ZNF160: variants seen among roughly 807,000 people sequenced by gnomAD.
ZNF160 encodes zinc finger protein 160, also known as KRAB zinc finger protein KR18.
ZNF160 carries 9 observed loss-of-function variants against 13.1 expected under a neutral mutation model. That is an observed-to-expected ratio of 0.69 (90% CI 0.41 to 1.20). ZNF160 has a LOEUF of 1.20. Among genes scored for constraint, ZNF160 ranks in the 50% most tolerant of loss-of-function variants. ZNF160 has a pLI of 0.01. For missense variants in ZNF160, 838 were observed against 988.0 expected, an observed-to-expected ratio of 0.85 and a Z score of 2.04; for synonymous variants, 293 against 333.2, an observed-to-expected ratio of 0.88 and a Z score of 1.31.
At chr19:53,083,025 T>C (rs929676696) in intron 3 of ZNF160, among the ~76,000 whole-genome samples, 1 of 152,182 alleles carries the variant, frequency 6.6e-6, no homozygotes, top group Non-Finnish European at 1.5e-5. Context: ...TGAATACATA[T>C]GAAGAGATGC....
In ZNF160 at chr19:53,081,413, CAAG is replaced by C. The variant is rs536083960; in HGVS notation, c.15+4846_15+4848del. Reference sequence around the variant, plus strand: ...TCTATAAGAAACATAAGCAAATCAACAAGAAGAAGACAAATCACCCCACTAAAA... The same window carrying C: ...TCTATAAGAAACATAAGCAAATCAACAAGAAGACAAATCACCCCACTAAAA... On this transcript the variant is annotated intron_variant, in intron 3 of 5. Coordinates refer to ENST00000683776, the MANE Select transcript of ZNF160 (RefSeq NM_001322131.2). Among the ~76,000 whole-genome samples, 66 of 152,106 alleles carry C rather than the reference CAAG, an allele frequency of 4.3e-4. No homozygotes were observed. In the East Asian group the frequency reaches 9.7e-3, roughly 22 times the overall value.
intron 3 of ZNF160, among the ~76,000 whole-genome samples, chr19:53,083,773 A>G (rs1220965173): frequency 6.6e-6 from 1 of 152,178 alleles, no homozygotes; most frequent in Non-Finnish European, 1.5e-5. Context: ...TGGGTGTGGC[A>G]GCACACAACC....
At chr19:53,073,404 TG>T (rs777717026) in intron 5 of ZNF160, 3 of 1,598,334 alleles carry the variant, frequency 1.9e-6, no homozygotes, top group Non-Finnish European at 2.5e-6. Context: ...ATGGAAGAAA[TG>T]GCCGAGGGAC....
At chr19:53,100,980 C>CAA (rs144340073) in intron 1 of ZNF160, among the ~76,000 whole-genome samples, 24,080 of 149,236 alleles carry the variant, frequency 0.16, 2,208 homozygotes, top group African/African-American at 0.24. Flanking sequence ...ACCTCCATCT[C>CAA]AAAAAAAATA....
In ZNF160 at chr19:53,070,203, C is replaced by T. The variant is rs2145453473; in HGVS notation, c.331G>A (p.Ala111Thr). ...LLPKEKSSTE[A>T]VFHTVVLERH... ...TCCAACACCACTGTGTGGAATACTG[C>T]TTCTGTACTGCTCTTCTCTTTTGGT... Residue 111 changes from alanine to threonine, a missense_variant, in exon 6 of 6, where the codon GCA becomes ACA. By Grantham distance (58) the Ala-to-Thr change is moderately conservative (BLOSUM62 0). This residue lies in a region of ZNF160 where 387 missense variants were observed against 402.3 expected (regional missense o/e 0.96). Transcript: ENST00000683776. 6.2e-7 allele frequency: 1 copy of T among 1,613,594 alleles called. No individual in the cohort carries two copies. The highest frequency in any genetic ancestry group is 2.2e-5 in the East Asian group (1 of 44,872).
intron 5 of ZNF160, among the ~76,000 whole-genome samples, chr19:53,071,450 G>A (rs993976456): frequency 6.6e-6 from 1 of 150,714 alleles, no homozygotes; most frequent in Admixed American, 6.7e-5. Context: ...AACTTGGGAA[G>A]CTGAGGAAGG....
intron 3 of ZNF160, among the ~76,000 whole-genome samples, chr19:53,080,142 T>C (rs546253467): frequency 6.6e-6 from 1 of 151,730 alleles, no homozygotes; most frequent in East Asian, 1.9e-4. Context: ...GTTTCGCTCT[T>C]GTTGCCCAGG....
intron 5 of ZNF160, chr19:53,073,347 G>C (rs1441126991): frequency 6.3e-7 from 1 of 1,597,964 alleles, no homozygotes; most frequent in African/African-American, 1.3e-5. Context: ...TTAGAAGATA[G>C]AACCCACTCG....
chr19:53,069,348 G>T lies in ZNF160; in HGVS notation c.1186C>A (p.Pro396Thr). Reference sequence around the variant, plus strand: ...TTGCCGCACTCATTGCACTTGTAAGGTTTCTCTCCAGTGTGAATTCTCCAA... The same window carrying T: ...TTGCCGCACTCATTGCACTTGTAAGTTTTCTCTCCAGTGTGAATTCTCCAA... Reference protein sequence around the residue: ...SHWRIHTGEKPYKCNECGKAF... With the variant: ...SHWRIHTGEKTYKCNECGKAF... Residue 396 changes from proline to threonine, a missense_variant, in exon 6 of 6, where the codon CCT becomes ACT. Physicochemically the swap from Pro to Thr is conservative, Grantham distance 38. Coordinates refer to ENST00000683776, the MANE Select transcript of ZNF160 (RefSeq NM_001322131.2). The surrounding 1 kb of genome is among the most constrained non-coding windows in gnomAD (Gnocchi z 4.4). 6.2e-7 allele frequency: 1 copy of T among 1,614,012 alleles called. No homozygotes were observed. Among genetic ancestry groups the T allele is most frequent in the Non-Finnish European group, 8.5e-7 (1 of 1,179,894 alleles).
At chr19:53,075,342 C>G (rs779538380) in intron 3 of ZNF160, 159 bp from the exon 4 acceptor site, 1 of 842,380 alleles carries the variant, frequency 1.2e-6, no homozygotes, top group Non-Finnish European at 1.8e-6. Context: ...GGTCTTCATC[C>G]CCCTCTCCTG....
chr19:53,075,748 A>G (rs756967545), intron 3 of ZNF160: 1 of 519,050 alleles, frequency 1.9e-6, no homozygotes, highest in Non-Finnish European at 3.8e-6. Context: ...ATGGGTAAAT[A>G]TAAGTGTTTC....
chr19:53,082,126 A>C (rs2084655563), intron 3 of ZNF160, among the ~76,000 whole-genome samples: 1 of 152,180 alleles, frequency 6.6e-6, no homozygotes, highest in Non-Finnish European at 1.5e-5. Flanking sequence ...AAGAGGAAGG[A>C]AGAGGGGAAG....
intron 5 of ZNF160, among the ~76,000 whole-genome samples, chr19:53,070,794 C>A (rs1187855502): frequency 6.6e-6 from 1 of 152,168 alleles, no homozygotes; most frequent in Non-Finnish European, 1.5e-5. Flanking sequence ...GTGGCTCATG[C>A]CTGTAATCCC....
chr19:53,091,890 C>T (rs1236146342), intron 1 of ZNF160, among the ~76,000 whole-genome samples, 170 bp from the exon 2 acceptor site: 2 of 152,210 alleles, frequency 1.3e-5, no homozygotes, highest in African/African-American at 4.8e-5. Context: ...GCGTCAACCT[C>T]GGTTCCAGAG....
intron 1 of ZNF160, among the ~76,000 whole-genome samples, chr19:53,094,303 C>T (rs1293354958): frequency 6.6e-6 from 1 of 152,158 alleles, no homozygotes; most frequent in Admixed American, 6.5e-5. Context: ...TTTCTTCCAT[C>T]CCGGTGCCTG....
At chr19:53,074,853 T>A (rs1313447559) in intron 4 of ZNF160, among the ~76,000 whole-genome samples, 1 of 152,026 alleles carries the variant, frequency 6.6e-6, no homozygotes, top group Non-Finnish European at 1.5e-5. Context: ...CTCTGAAACC[T>A]CAAATGATGA....
intron 5 of ZNF160, 152 bp downstream of exon 5, chr19:53,073,988 C>T (rs2084282444): frequency 8.5e-6 from 6 of 705,060 alleles, no homozygotes; most frequent in Middle Eastern, 4.5e-4. Flanking sequence ...TAGGGTTTCA[C>T]AATGTTGGTC....
At chr19:53,073,437 G>A (rs771757603) in intron 5 of ZNF160, 1 of 1,598,292 alleles carries the variant, frequency 6.3e-7, no homozygotes, top group Non-Finnish European at 8.5e-7. Context: ...GAGACGGCTG[G>A]AGACTCTTCC....
chr19:53,070,284 A>G lies in ZNF160; in HGVS notation c.272-22T>C, dbSNP rs372230355. 140 of 1,522,322 alleles carry G rather than the reference A, an allele frequency of 9.2e-5. No homozygotes were observed. The African/African-American group carries it at 1.5e-3, about 17-fold the overall frequency. The allele number at this position is 1,522,322 out of a possible 1,614,324, so 94.3% of individuals were successfully genotyped here. On this transcript the variant is annotated intron_variant, in intron 5 of 5. Transcript: ENST00000683776. ...ATATCTACAAGATATAAAGAACCAC[A>G]TAATTTCCAATTAATTACAGTATAG...
Sources: gnomAD v4.1 joint callset for allele counts (sites outside exome capture counted in the v4.1 genomes callset) on GRCh38, gnomAD v4.1.1 for gene constraint, gnomAD v4.1.1 regional missense constraint, Gnocchi (gnomAD v3.1) non-coding constraint, MANE v1.5 for transcripts, NCBI Gene and HGNC (gene_info 2026-07-23, HGNC 2026-07-21) for gene names.